The following VPS13D variants were observed in gnomAD, a reference collection of about 807,000 sequenced individuals.
VPS13D encodes intermembrane lipid transfer protein VPS13D.
Under a neutral mutation model 461.9 loss-of-function variants are expected in VPS13D, and 187 were observed. That is an observed-to-expected ratio of 0.40 (90% CI 0.36 to 0.46). The LOEUF is 0.46. VPS13D is among the 20% of genes least tolerant of loss of function. The probability of loss-of-function intolerance (pLI) is 0.60; values close to 1 mark genes in which losing one functional copy is unlikely to be tolerated. For missense variants in VPS13D, 4,711 were observed against 5,364.9 expected (o/e 0.88, Z 3.81); for synonymous variants, 1,951 against 1,986.3 (o/e 0.98, Z 0.47).
chr1:12,277,856 A>T lies in VPS13D; in HGVS notation c.4268A>T (p.Gln1423Leu). ...GATGAATCCAGAAGTGACCGTCTGC[A>T]GGTGGAAATCAAGGACATTAAACTG... is the stretch of plus-strand genomic sequence containing the variant. Reference protein sequence around the residue: ...GDDESRSDRLQVEIKDIKLYS... With the variant: ...GDDESRSDRLLVEIKDIKLYS... The change falls in exon 19 of 70, where the codon CAG becomes CTG. Residue 1423 changes from glutamine (Q) to leucine (L), a missense_variant. Physicochemically the swap from Gln to Leu is moderately radical, Grantham distance 113 (BLOSUM62 -2). Coordinates refer to ENST00000620676, the MANE Select transcript of VPS13D (RefSeq NM_015378.4). The T allele has an allele frequency of 6.2e-7, 1 of 1,614,190 alleles. No individual in the cohort carries two copies.
At chr1:12,396,920 GTTGT>G (rs1365308909) in intron 60 of VPS13D, among the ~76,000 whole-genome samples, 6 of 152,174 alleles carry the variant, frequency 3.9e-5, no homozygotes, top group South Asian at 2.1e-4. Context: ...ACTTTAAAAA[GTTGT>G]TTGTTTGTTT....
intron 65 of VPS13D, among the ~76,000 whole-genome samples, chr1:12,428,248 C>A (rs1340903549): frequency 6.6e-6 from 1 of 152,138 alleles, no homozygotes; most frequent in South Asian, 2.1e-4. Flanking sequence ...AGGGAGGCCT[C>A]AGCGTGTCCT....
rs116447552 is a variant in VPS13D at position 12,254,923 on chromosome 1, G to A, written c.669+1097G>A. Among the ~76,000 whole-genome samples the A allele has an allele frequency of 9.1e-3, 1,374 of 151,776 alleles. 19 individuals carry two copies. Among genetic ancestry groups the A allele is most frequent in the African/African-American group, 0.028 (1,156 of 41,424 alleles). ...TCCACCCAGGGTTATCTTTCACTTG[G>A]ATACTATTGTACATGATGGCTTTCT... On this transcript the variant is annotated intron_variant, in intron 7 of 69. Transcript: ENST00000620676.
chr1:12,270,167 T>C (rs1371176961), intron 16 of VPS13D, among the ~76,000 whole-genome samples: 1 of 146,386 alleles, frequency 6.8e-6, no homozygotes, highest in Non-Finnish European at 1.5e-5. Context: ...AAAGAAAGAA[T>C]ATAGAAAGGC....
At chr1:12,362,088 C>G (rs1420918205) in intron 50 of VPS13D, among the ~76,000 whole-genome samples, 1 of 152,114 alleles carries the variant, frequency 6.6e-6, no homozygotes, top group South Asian at 2.1e-4. Context: ...GTCTTGAACT[C>G]CTGACCTCAA....
chr1:12,263,015 T>C (rs1405179695), intron 13 of VPS13D, among the ~76,000 whole-genome samples: 1 of 152,128 alleles, frequency 6.6e-6, no homozygotes, highest in Non-Finnish European at 1.5e-5. Context: ...ATTTATGATA[T>C]TTTCAACTTA....
chr1:12,343,466 G>C (rs893701595), intron 42 of VPS13D, among the ~76,000 whole-genome samples: 1 of 151,168 alleles, frequency 6.6e-6, no homozygotes, highest in African/African-American at 2.4e-5. Context: ...CACCACACCT[G>C]GCCCCTTATT....
At position 12,386,205 on chromosome 1, in the gene VPS13D, T is replaced by C; in HGVS notation, c.11505T>C (p.Gly3835=). The part of the protein sequence containing the change: ...QELEVLVRLE[G]GIGLSLINKV... ...TTCAGGTGCTTGTGAGGTTAGAAGG[T>C]GGAATTGGGTTGTCCTTAATTAATA... The change falls in exon 60 of 70, where the codon GGT becomes GGC. Residue 3835 remains glycine (G), a synonymous_variant. Transcript: ENST00000620676. 2 of 1,611,852 alleles carry C rather than the reference T, an allele frequency of 1.2e-6. No individual in the cohort carries two copies. Among genetic ancestry groups the C allele is most frequent in the Non-Finnish European group, 1.7e-6 (2 of 1,179,134 alleles).
chr1:12,485,969 A>G (rs185730216), intron 67 of VPS13D, among the ~76,000 whole-genome samples: 1 of 152,320 alleles, frequency 6.6e-6, no homozygotes, highest in African/African-American at 2.4e-5. Context: ...TCCACAGAGA[A>G]AGGCACCATT....
chr1:12,494,723 A>G (rs552445980), intron 67 of VPS13D, among the ~76,000 whole-genome samples: 1 of 152,332 alleles, frequency 6.6e-6, no homozygotes, highest in East Asian at 1.9e-4. Flanking sequence ...CACTGCCGTC[A>G]TGTCCCTTTC....
rs574464307 is a variant in VPS13D at position 12,294,790 on chromosome 1, G to A, written c.6033+1086G>A. On this transcript the variant is annotated intron_variant, in intron 24 of 69. Coordinates refer to ENST00000620676, the MANE Select transcript of VPS13D (RefSeq NM_015378.4). ...TGGCGCCACTGCACTCCAGTCTGGC[G>A]ACAGAGCGAGACTCCGTCTCAAAAA... 1.0e-3 allele frequency among the ~76,000 whole-genome samples: 154 copies of A among 152,146 alleles called. 3 individuals are homozygous for A. The highest frequency in any genetic ancestry group is 3.5e-3 in the African/African-American group (147 of 41,502).
chr1:12,508,567 C>G (rs1227260285), intron 69 of VPS13D, among the ~76,000 whole-genome samples: 1 of 139,354 alleles, frequency 7.2e-6, no homozygotes, highest in African/African-American at 2.6e-5. Flanking sequence ...AAAAAAAAAT[C>G]GTTAGCTGTG....
At chr1:12,232,250 T>C (rs941458972) in intron 1 of VPS13D, among the ~76,000 whole-genome samples, 2 of 152,224 alleles carry the variant, frequency 1.3e-5, no homozygotes, top group African/African-American at 4.8e-5. Flanking sequence ...GTTAATCTTC[T>C]CTGGAAGTAC....
rs111615148 is a variant in VPS13D at position 12,328,674 on chromosome 1, G to A, written c.8197+820G>A. On this transcript the variant is annotated intron_variant, in intron 36 of 69. Coordinates refer to ENST00000620676, the MANE Select transcript of VPS13D (RefSeq NM_015378.4). ...TTCTGCTTCAGTCCCCCGAGTAGCC[G>A]GGATTACAGGCATGTGCCACCATGC... 4.2e-3 allele frequency among the ~76,000 whole-genome samples: 634 copies of A among 152,220 alleles called. 5 individuals are homozygous for A. Among genetic ancestry groups the A allele is most frequent in the African/African-American group, 0.014 (594 of 41,524 alleles).
At chr1:12,242,953 C>CTTTTTTT in intron 3 of VPS13D, among the ~76,000 whole-genome samples, 1 of 150,116 alleles carries the variant, frequency 6.7e-6, no homozygotes, top group African/African-American at 2.5e-5. Context: ...TTTTTCTTTT[C>CTTTTTTT]TTTTCTTTTT....
In VPS13D at chr1:12,497,638, TAG is replaced by T. The variant is rs1557478498; in HGVS notation, c.12794+10_12794+11del. ...ACAACATACAGGACGAATTGTAAGT[TAG>T]AGCATGGGAAACCAGCCCTGTGGGT... On this transcript the variant is annotated splice_region_variant and intron_variant, in intron 68 of 69. Transcript: ENST00000620676. 1.2e-6 allele frequency: 2 copies of T among 1,610,526 alleles called. No individual in the cohort carries two copies. The highest frequency in any genetic ancestry group is 1.7e-6 in the Non-Finnish European group (2 of 1,178,860).
intron 67 of VPS13D, among the ~76,000 whole-genome samples, chr1:12,467,232 CACA>C (rs1301141968): frequency 6.6e-6 from 1 of 152,152 alleles, no homozygotes; most frequent in Non-Finnish European, 1.5e-5. Flanking sequence ...AATGCAGTGG[CACA>C]ACCTCGGCTC....
intron 16 of VPS13D, among the ~76,000 whole-genome samples, chr1:12,269,399 G>A (rs558911488): frequency 1.3e-5 from 2 of 152,298 alleles, no homozygotes; most frequent in East Asian, 3.9e-4. Context: ...TTTAACCATG[G>A]CTGTATGTTC....
At chr1:12,306,261 C>T (rs1180920387) in intron 26 of VPS13D, among the ~76,000 whole-genome samples, 4 of 152,150 alleles carry the variant, frequency 2.6e-5, no homozygotes, top group African/African-American at 9.7e-5. Flanking sequence ...CAAAGGCTTG[C>T]AGAGATTGGG....
Sources: gnomAD v4.1 joint callset for allele counts (sites outside exome capture counted in the v4.1 genomes callset) on GRCh38, gnomAD v4.1.1 for gene constraint, MANE v1.5 for transcripts, NCBI Gene and HGNC (gene_info 2026-07-23, HGNC 2026-07-21) for gene names.